The following VPS13B variants were observed in gnomAD, a reference collection of about 807,000 sequenced individuals.
The protein encoded by VPS13B is vacuolar protein sorting 13 homolog B, also known as intermembrane lipid transfer protein VPS13B.
A neutral mutation model predicts 426.4 loss-of-function variants in VPS13B; 285 were observed. The observed-to-expected ratio is 0.67, with a 90% confidence interval of 0.61 to 0.74. The LOEUF is 0.74. Among genes scored for constraint, VPS13B ranks in the 30% least tolerant of loss-of-function variants. The pLI is 0.00. For missense variants in VPS13B, 4,537 were observed against 4,782.6 expected (o/e 0.95, Z 1.51); for synonymous variants, 1,676 against 1,676.4 (o/e 1.00, Z 0.01).
chr8:99,016,965 T>G (rs1221121253), intron 2 of VPS13B, among the ~76,000 whole-genome samples: 1 of 152,160 alleles, frequency 6.6e-6, no homozygotes, highest in Admixed American at 6.5e-5. Flanking sequence ...AGTTTGTGGC[T>G]TGTCTCTTTA....
At chr8:99,644,725 G>A (rs71516844) in intron 34 of VPS13B, among the ~76,000 whole-genome samples, 2 of 152,076 alleles carry the variant, frequency 1.3e-5, no homozygotes, top group African/African-American at 4.8e-5. Flanking sequence ...ATAAGCAAAA[G>A]TTATCAATAT....
intron 43 of VPS13B, among the ~76,000 whole-genome samples, chr8:99,799,891 A>T (rs1203262485): frequency 6.6e-6 from 1 of 152,208 alleles, no homozygotes; most frequent in Non-Finnish European, 1.5e-5. Context: ...TGACTCCCAG[A>T]ATATTTATTC....
intron 21 of VPS13B, among the ~76,000 whole-genome samples, chr8:99,425,945 T>C (rs189277492): frequency 0.017 from 2,540 of 152,142 alleles, 65 homozygotes; most frequent in African/African-American, 0.058. Context: ...AGTTTTAGGG[T>C]ACTTGTGCAC....
At chr8:99,872,771 T>C (rs942638053) in intron 61 of VPS13B, among the ~76,000 whole-genome samples, 13 of 152,234 alleles carry the variant, frequency 8.5e-5, no homozygotes, top group Admixed American at 7.9e-4. Flanking sequence ...CAATAGGTTC[T>C]GCCTGATCCC....
intron 19 of VPS13B, among the ~76,000 whole-genome samples, chr8:99,296,792 C>T (rs1184488412): frequency 6.6e-6 from 1 of 152,142 alleles, no homozygotes; most frequent in Non-Finnish European, 1.5e-5. Context: ...CACGTGAGGA[C>T]ATAGCTTTCA....
chr8:99,128,522 A>G (rs746011203), intron 8 of VPS13B, among the ~76,000 whole-genome samples: 1 of 150,950 alleles, frequency 6.6e-6, no homozygotes, highest in Non-Finnish European at 1.5e-5. Flanking sequence ...TTATCCATAC[A>G]TCTGCCCACC....
intron 17 of VPS13B, among the ~76,000 whole-genome samples, chr8:99,220,749 G>C (rs969251099): frequency 8.5e-4 from 127 of 149,374 alleles, no homozygotes; most frequent in Non-Finnish European, 1.4e-3. Flanking sequence ...GATTCACCAG[G>C]AAGAACTGAG....
At chr8:99,084,855 A>C (rs1845686469) in intron 3 of VPS13B, among the ~76,000 whole-genome samples, 1 of 152,144 alleles carries the variant, frequency 6.6e-6, no homozygotes, top group African/African-American at 2.4e-5. Context: ...ACATTTGCTG[A>C]GGAGTGCTTT....
rs184693266 is a variant in VPS13B at position 99,481,683 on chromosome 8, A to C, written c.3751A>C (p.Thr1251Pro). The C allele has an allele frequency of 1.2e-6, 2 of 1,613,920 alleles. No individual in the cohort carries two copies. The highest frequency in any genetic ancestry group is 2.2e-5 in the East Asian group (1 of 44,872). ...GAGAGGCAATCTCAACCTATCTCCA[A>C]CCTCTCCAGAGACCATGGCAGGGCC... ...QKRGNLNLSPTSPETMAGPVP... is the reference protein window; with the variant it reads ...QKRGNLNLSPPSPETMAGPVP... The change falls in exon 25 of 62, where the codon ACC becomes CCC. Residue 1251 changes from threonine to proline, a missense_variant. Physicochemically the swap from Thr to Pro is conservative, Grantham distance 38 (BLOSUM62 -1). Transcript: ENST00000357162.
At position 99,642,097 on chromosome 8, in the gene VPS13B, C is replaced by T. The variant is rs1028627487; in HGVS notation, c.5507C>T (p.Ser1836Leu). ...YSCMALSKSK[S>L]QEQKNNEKTD... ...TGTATGGCCTTATCCAAATCGAAAT[C>T]ACAAGAACAGAAGAATAATGAAAAA... The change falls in exon 34 of 62, where the codon TCA becomes TTA. Residue 1836 changes from serine (S) to leucine (L), a missense_variant. Transcript: ENST00000357162. The T allele has an allele frequency of 1.9e-6, 3 of 1,614,054 alleles. No homozygotes were observed. Among genetic ancestry groups the T allele is most frequent in the African/African-American group, 1.3e-5 (1 of 75,030 alleles).
Position 99,871,526 on chromosome 8 carries a change from G to T in VPS13B, c.11574G>T (p.Glu3858Asp), listed in dbSNP as rs368385004. 1 of 1,614,128 alleles carries T rather than the reference G, an allele frequency of 6.2e-7. No homozygotes were observed. The highest frequency in any genetic ancestry group is 1.7e-5 in the Admixed American group (1 of 60,014). ...TTCTGGTGAGGGGCTCAGGCCAGGA[G>T]CATGAAGGGTGCTTGCTGCTGACAT... ...DVVLVRGSGQEHEGCLLLTSE... is the reference protein window; with the variant it reads ...DVVLVRGSGQDHEGCLLLTSE... The change falls in exon 61 of 62, where the codon GAG (glutamate) becomes GAT (aspartate). Residue 3858 changes from glutamate (E) to aspartate (D), a missense_variant. Glu to Asp is a conservative substitution (Grantham distance 45). Around this residue, in one of 2 missense-constraint regions of VPS13B, gnomAD observed 4,311 missense variants for 4,474.3 expected, o/e 0.96. Transcript: ENST00000357162.
chr8:99,560,555 C>T (rs922285644), intron 31 of VPS13B, among the ~76,000 whole-genome samples: 6 of 152,122 alleles, frequency 3.9e-5, no homozygotes, highest in African/African-American at 1.4e-4. Flanking sequence ...TTATTGTAGT[C>T]CTTCACTGAC....
At chr8:99,491,162 C>T (rs956734115) in intron 25 of VPS13B, among the ~76,000 whole-genome samples, 4 of 152,110 alleles carry the variant, frequency 2.6e-5, no homozygotes, top group Non-Finnish European at 4.4e-5. Context: ...TCGTTATTTA[C>T]CTAGTAGTCA....
At chr8:99,854,707 A>G (rs1816461514) in intron 56 of VPS13B, among the ~76,000 whole-genome samples, 1 of 152,184 alleles carries the variant, frequency 6.6e-6, no homozygotes, top group Non-Finnish European at 1.5e-5. Context: ...CCCTCGGCCT[A>G]AAAGGAGTCC....
chr8:99,076,826 C>G (rs1461138932), intron 3 of VPS13B, among the ~76,000 whole-genome samples: 1 of 151,888 alleles, frequency 6.6e-6, no homozygotes, highest in Non-Finnish European at 1.5e-5. Flanking sequence ...CAGTCTATAT[C>G]TTTTATCAGG....
chr8:99,058,317 A>G (rs1843994239), intron 3 of VPS13B, among the ~76,000 whole-genome samples: 1 of 151,750 alleles, frequency 6.6e-6, no homozygotes, highest in South Asian at 2.1e-4. Context: ...GTTTTAGAAA[A>G]TATAGCTATT....
intron 24 of VPS13B, among the ~76,000 whole-genome samples, chr8:99,469,306 C>T (rs1046148072): frequency 1.3e-5 from 2 of 151,526 alleles, no homozygotes; most frequent in African/African-American, 4.9e-5. Context: ...GTAGCTGGGA[C>T]TATAGACACA....
At chr8:99,673,177 T>C (rs1169554732) in intron 35 of VPS13B, among the ~76,000 whole-genome samples, 1 of 152,042 alleles carries the variant, frequency 6.6e-6, no homozygotes, top group Admixed American at 6.6e-5. Context: ...TCTCTTCAGT[T>C]TTTTGGAAGA....
chr8:99,223,643 A>G (rs1815853128), intron 17 of VPS13B, among the ~76,000 whole-genome samples: 1 of 152,172 alleles, frequency 6.6e-6, no homozygotes, highest in Admixed American at 6.5e-5. Flanking sequence ...CAAAGGATAT[A>G]TGGATAGGGT....
Sources: gnomAD v4.1 joint callset for allele counts (sites outside exome capture counted in the v4.1 genomes callset) on GRCh38, gnomAD v4.1.1 for gene constraint, gnomAD v4.1.1 regional missense constraint, MANE v1.5 for transcripts, NCBI Gene and HGNC (gene_info 2026-07-23, HGNC 2026-07-21) for gene names.